PLXDC2: variants seen among roughly 807,000 people sequenced by gnomAD.
The protein encoded by PLXDC2 is plexin domain-containing protein 2.
Under a neutral mutation model 68.9 loss-of-function variants are expected in PLXDC2, and 40 were observed. The ratio of observed to expected loss-of-function variants is 0.58; its 90% CI spans 0.45 to 0.76. The LOEUF (loss-of-function observed/expected upper bound fraction) is 0.76, where lower values mean the gene tolerates loss of function less well. Ranked by LOEUF, PLXDC2 falls within the 30% of genes least tolerant of loss-of-function variation. PLXDC2 has a pLI of 0.00. For missense variants in PLXDC2, 644 were observed against 661.9 expected, an observed-to-expected ratio of 0.97 and a Z score of 0.30; for synonymous variants, 243 against 234.2, an observed-to-expected ratio of 1.04 and a Z score of -0.34.
intron 1 of PLXDC2, among the ~76,000 whole-genome samples, chr10:19,866,129 A>AT (rs1229701518): frequency 3.9e-5 from 6 of 152,136 alleles, no homozygotes; most frequent in Admixed American, 3.9e-4. Flanking sequence ...AATTAGATGT[A>AT]TTTTTTGGGA....
At chr10:20,082,340 T>C (rs1169349979) in intron 4 of PLXDC2, among the ~76,000 whole-genome samples, 2 of 151,970 alleles carry the variant, frequency 1.3e-5, no homozygotes, top group African/African-American at 4.8e-5. Flanking sequence ...ATGATGTCGG[T>C]AGTATGGGAA....
At chr10:19,844,410 G>A (rs1480064660) in intron 1 of PLXDC2, among the ~76,000 whole-genome samples, 1 of 152,086 alleles carries the variant, frequency 6.6e-6, no homozygotes, top group Non-Finnish European at 1.5e-5. Context: ...GCCTGAATGG[G>A]TAGAAATGTA....
chr10:20,212,681 G>A (rs1392527991), intron 10 of PLXDC2, among the ~76,000 whole-genome samples: 4 of 152,108 alleles, frequency 2.6e-5, no homozygotes, highest in Non-Finnish European at 5.9e-5. Flanking sequence ...TGGGGGGCAT[G>A]TTTCATAAAG....
At chr10:20,038,970 T>G (rs1589599570) in intron 2 of PLXDC2, among the ~76,000 whole-genome samples, 1 of 152,248 alleles carries the variant, frequency 6.6e-6, no homozygotes, top group East Asian at 1.9e-4. Flanking sequence ...TTCTGTATGA[T>G]TTTACTTCTG....
At chr10:20,073,545 A>G (rs1251966342) in intron 4 of PLXDC2, among the ~76,000 whole-genome samples, 1 of 152,222 alleles carries the variant, frequency 6.6e-6, no homozygotes, top group Non-Finnish European at 1.5e-5. Context: ...ATCTTTGCCT[A>G]TTAAGCATTT....
At chr10:20,094,911 A>G (rs1290826570) in intron 4 of PLXDC2, among the ~76,000 whole-genome samples, 1 of 152,150 alleles carries the variant, frequency 6.6e-6, no homozygotes, top group African/African-American at 2.4e-5. Context: ...TTCAAGAAAC[A>G]TTTGCTGAGT....
intron 4 of PLXDC2, among the ~76,000 whole-genome samples, chr10:20,140,327 GAACA>G (rs940108019): frequency 1.2e-3 from 177 of 149,944 alleles, no homozygotes; most frequent in African/African-American, 3.3e-3. Flanking sequence ...ATAAATAAAT[GAACA>G]AACAAACAAA....
intron 9 of PLXDC2, among the ~76,000 whole-genome samples, chr10:20,196,080 C>T (rs1256875383): frequency 6.6e-6 from 1 of 152,070 alleles, no homozygotes; most frequent in Non-Finnish European, 1.5e-5. Context: ...CTGACACTTC[C>T]ACTAGTTTTA....
intron 2 of PLXDC2, among the ~76,000 whole-genome samples, chr10:20,045,529 T>C (rs769041101): frequency 1.3e-5 from 2 of 152,198 alleles, no homozygotes; most frequent in Non-Finnish European, 2.9e-5. Context: ...ACATTTACAC[T>C]TGGATCATAG....
intron 1 of PLXDC2, among the ~76,000 whole-genome samples, chr10:19,956,342 T>C (rs149381800): frequency 0.011 from 1,695 of 152,310 alleles, 35 homozygotes; most frequent in African/African-American, 0.038. Context: ...TCATTTTTTA[T>C]ATTGACTGCA....
chr10:20,037,555 A>G (rs113096615), intron 2 of PLXDC2, among the ~76,000 whole-genome samples: 2,687 of 152,172 alleles, frequency 0.018, 75 homozygotes, highest in African/African-American at 0.061. Context: ...GAAAAGGTTC[A>G]AGGTTTGTAC....
intron 12 of PLXDC2, among the ~76,000 whole-genome samples, chr10:20,232,880 T>C (rs902745018): frequency 5.9e-5 from 9 of 152,120 alleles, no homozygotes; most frequent in African/African-American, 2.2e-4. Context: ...AATATGCAAA[T>C]TTGGCCTCTG....
intron 12 of PLXDC2, among the ~76,000 whole-genome samples, chr10:20,220,020 T>C (rs538639354): frequency 3.0e-4 from 46 of 152,332 alleles, no homozygotes; most frequent in Non-Finnish European, 5.7e-4. Context: ...CCATTGTTTA[T>C]ATCTATATTT....
intron 9 of PLXDC2, among the ~76,000 whole-genome samples, chr10:20,209,240 A>C (rs1835034994): frequency 6.6e-6 from 1 of 152,106 alleles, no homozygotes; most frequent in Non-Finnish European, 1.5e-5. Flanking sequence ...CTGCAGCTGC[A>C]ACCTTAGAAG....
At chr10:20,260,625 T>G (rs747186086) in intron 13 of PLXDC2, among the ~76,000 whole-genome samples, 1 of 152,240 alleles carries the variant, frequency 6.6e-6, no homozygotes, top group Non-Finnish European at 1.5e-5. Flanking sequence ...TTTCCATGTT[T>G]TGGCCACTAT....
intron 9 of PLXDC2, among the ~76,000 whole-genome samples, chr10:20,199,896 A>G (rs78077222): frequency 0.015 from 2,293 of 149,166 alleles, 60 homozygotes; most frequent in African/African-American, 0.055. Context: ...CTATTTGGGG[A>G]AAAAAAATAT....
At chr10:19,913,046 G>A (rs1186377598) in intron 1 of PLXDC2, among the ~76,000 whole-genome samples, 1 of 152,168 alleles carries the variant, frequency 6.6e-6, no homozygotes, top group Non-Finnish European at 1.5e-5. Flanking sequence ...CTCACAAGTT[G>A]TCAAAGTATC....
rs183391617 is a variant in PLXDC2, at chr10:20,214,803, T to G, written c.1123-2623T>G. Among the ~76,000 whole-genome samples, 206 of 152,298 alleles carry G rather than the reference T, an allele frequency of 1.4e-3. 1 individual carries two copies. The highest frequency in any genetic ancestry group is 4.7e-3 in the African/African-American group (194 of 41,566). On this transcript the variant is annotated intron_variant, in intron 10 of 13. Transcript: ENST00000377252. ...AACGTAGGGTGTTTACTGAACATTA[T>G]TAGATCCTGTTTACGGAATACTAGG...
chr10:20,078,259 T>C (rs1337580615), intron 4 of PLXDC2, among the ~76,000 whole-genome samples: 2 of 152,166 alleles, frequency 1.3e-5, no homozygotes. Context: ...GGTATGCTTC[T>C]GTAGTCCCAG....
Sources: gnomAD v4.1 joint callset for allele counts (sites outside exome capture counted in the v4.1 genomes callset) on GRCh38, gnomAD v4.1.1 for gene constraint, MANE v1.5 for transcripts, NCBI Gene and HGNC (gene_info 2026-07-23, HGNC 2026-07-21) for gene names.